PUS10: variants seen among roughly 807,000 people sequenced by gnomAD.
PUS10 encodes the protein pseudouridine synthase 10, also known as tRNA pseudouridine synthase Pus10.
A neutral mutation model predicts 75.0 loss-of-function variants in PUS10; 59 were observed. The ratio of observed to expected loss-of-function variants is 0.79; its 90% CI spans 0.64 to 0.98. The LOEUF is 0.98. PUS10 is among the 50% of genes least tolerant of loss of function. PUS10 has a pLI of 0.00. For missense variants in PUS10, 650 were observed against 614.4 expected (o/e 1.06, Z -0.61); for synonymous variants, 219 against 211.6 (o/e 1.03, Z -0.30).
Position 61,017,777 on chromosome 2 carries a change from A to G in PUS10, c.-16+231T>C, listed in dbSNP as rs769300208. 3.0e-5 allele frequency: 47 copies of G among 1,549,276 alleles called. 1 individual carries two copies. In the African/African-American group the frequency reaches 6.3e-4, roughly 21 times the overall value. The stretch of plus-strand genomic sequence containing the variant: ...CGGAGGAGATGGCGTCCCAGCCGCC[A>G]CCTCCCCCCAAACCCTGGGAGACCC... On this transcript the variant is annotated intron_variant, in intron 1 of 17. Coordinates refer to ENST00000316752, the MANE Select transcript of PUS10 (RefSeq NM_144709.4).
chr2:61,009,145 A>G (rs1573521670), intron 2 of PUS10, 130 bp from the exon 3 acceptor site: 9 of 740,712 alleles, frequency 1.2e-5, no homozygotes, highest in African/African-American at 1.8e-5. Flanking sequence ...TGACATATCA[A>G]TTCTGAAGCA....
At chr2:60,967,338 G>T (rs778156045) in intron 6 of PUS10, 164 bp downstream of exon 6, 2 of 511,962 alleles carry the variant, frequency 3.9e-6, no homozygotes, top group Non-Finnish European at 6.9e-6. Context: ...GAAATGCTTT[G>T]ACTTCAATTT....
chr2:60,994,947 G>A (rs6726281), intron 4 of PUS10, among the ~76,000 whole-genome samples: 13,507 of 152,082 alleles, frequency 0.089, 1,984 homozygotes, highest in African/African-American at 0.31. Flanking sequence ...AAAATCAGCC[G>A]GGCAAGGTGA....
At chr2:60,966,406 T>C (rs1256143561) in intron 6 of PUS10, 1 of 152,274 alleles carries the variant, frequency 6.6e-6, no homozygotes, top group East Asian at 1.9e-4. Context: ...GTAGACCTAT[T>C]AGCTACTCTA....
chr2:60,947,292 T>C (rs1675004886), intron 16 of PUS10, among the ~76,000 whole-genome samples: 1 of 152,198 alleles, frequency 6.6e-6, no homozygotes, highest in African/African-American at 2.4e-5. Context: ...AAGATCCTGA[T>C]GTAAAGTAGT....
intron 15 of PUS10, among the ~76,000 whole-genome samples, chr2:60,950,601 T>G (rs1164487419): frequency 6.6e-6 from 1 of 152,174 alleles, no homozygotes; most frequent in Non-Finnish European, 1.5e-5. Context: ...GTATTTTCAG[T>G]AGATACGGGG....
intron 4 of PUS10, among the ~76,000 whole-genome samples, chr2:61,004,485 C>T (rs1186550388): frequency 1.3e-5 from 2 of 151,844 alleles, no homozygotes; most frequent in African/African-American, 2.4e-5. Context: ...AAAAATTAGC[C>T]GGGCATGGTG....
chr2:60,964,358 A>G (rs1676206967), intron 8 of PUS10, among the ~76,000 whole-genome samples: 1 of 152,224 alleles, frequency 6.6e-6, no homozygotes, highest in South Asian at 2.1e-4. Flanking sequence ...CAATCACAAC[A>G]ACAAAATGAA....
intron 15 of PUS10, among the ~76,000 whole-genome samples, chr2:60,949,429 G>A (rs1381190925): frequency 6.6e-6 from 1 of 152,100 alleles, no homozygotes; most frequent in Non-Finnish European, 1.5e-5. Context: ...GAAATACCAC[G>A]AGCCACATGT....
At chr2:60,997,130 TA>T (rs1228396631) in intron 4 of PUS10, among the ~76,000 whole-genome samples, 1 of 152,168 alleles carries the variant, frequency 6.6e-6, no homozygotes, top group African/African-American at 2.4e-5. Context: ...TTACCTTTGA[TA>T]AGATAGAGTG....
rs2104271020 is a variant in PUS10 at position 60,955,942 on chromosome 2, GA to G, written c.1001-869del. On this transcript the variant is annotated intron_variant, in intron 11 of 17. Coordinates refer to ENST00000316752, the MANE Select transcript of PUS10 (RefSeq NM_144709.4). ...TAAACACCATGAAAGGAAAAGGAGG[GA>G]AAAAAAGGTTTGACTCTAAGAAGCA... 2.0e-5 allele frequency among the ~76,000 whole-genome samples: 3 copies of G among 151,724 alleles called. No individual in the cohort carries two copies. The East Asian group carries it at 5.8e-4, about 29-fold the overall frequency.
intron 4 of PUS10, among the ~76,000 whole-genome samples, chr2:61,003,970 G>C (rs1459294056): frequency 6.6e-6 from 1 of 152,168 alleles, no homozygotes; most frequent in Non-Finnish European, 1.5e-5. Flanking sequence ...CTACTTCTTA[G>C]AAGTGGAAAA....
intron 4 of PUS10, among the ~76,000 whole-genome samples, chr2:60,981,781 A>G (rs1451189891): frequency 6.6e-6 from 1 of 152,164 alleles, no homozygotes; most frequent in Non-Finnish European, 1.5e-5. Context: ...CTGCCTCTAC[A>G]TTCAATTTGC....
In PUS10 at chr2:61,006,580, G is replaced by C; in HGVS notation, c.445C>G (p.Pro149Ala). Residue 149 changes from proline to alanine, a missense_variant, in exon 4 of 18, where the codon CCA becomes GCA. Transcript: ENST00000316752. ...ACCTCTCTTACAGATAGTTGTGGTGGGAAGGAGACTGAAAATACCAAGCTG... is the reference window on the plus strand; with the variant it reads ...ACCTCTCTTACAGATAGTTGTGGTGCGAAGGAGACTGAAAATACCAAGCTG... ...FTSLVFSVSF[P>A]PQLSVREHAA... 1 of 1,613,242 alleles carries C rather than the reference G, an allele frequency of 6.2e-7. No homozygotes were observed. The highest frequency in any genetic ancestry group is 8.5e-7 in the Non-Finnish European group (1 of 1,179,526).
chr2:60,997,018 C>A (rs761443109), intron 4 of PUS10, among the ~76,000 whole-genome samples: 2 of 152,202 alleles, frequency 1.3e-5, no homozygotes, highest in African/African-American at 4.8e-5. Flanking sequence ...GAGTCCTGTT[C>A]TAGCTGATCA....
intron 4 of PUS10, among the ~76,000 whole-genome samples, chr2:60,979,082 C>A (rs1677216660): frequency 6.6e-6 from 1 of 152,106 alleles, no homozygotes; most frequent in Admixed American, 6.6e-5. Flanking sequence ...GCAGTACCCC[C>A]TGCTCCAAAC....
intron 4 of PUS10, among the ~76,000 whole-genome samples, chr2:60,971,865 CTTTTTT>C (rs756222357): frequency 6.0e-5 from 6 of 99,638 alleles, no homozygotes; most frequent in East Asian, 5.2e-4. Flanking sequence ...TCTTTCTTCT[CTTTTTT>C]TTTTTTTTTT....
chr2:61,014,986 C>T (rs534687450), intron 1 of PUS10, among the ~76,000 whole-genome samples: 8 of 152,118 alleles, frequency 5.3e-5, no homozygotes, highest in Non-Finnish European at 1.0e-4. Context: ...GCCAGGACTA[C>T]TAAAAACAGA....
At chr2:60,943,761 CTT>C (rs1491583724) in intron 17 of PUS10, among the ~76,000 whole-genome samples, 2 of 127,200 alleles carry the variant, frequency 1.6e-5, no homozygotes, top group Admixed American at 8.1e-5. Context: ...TGATCACAAT[CTT>C]GTGTGTGTGT....
Sources: allele counts gnomAD v4.1 joint callset (sites outside exome capture counted in the v4.1 genomes callset), GRCh38; gene constraint gnomAD v4.1.1; transcripts MANE v1.5; gene names NCBI Gene and HGNC (gene_info 2026-07-23, HGNC 2026-07-21).